The following NHSL2 variants were observed in gnomAD, a reference collection of about 807,000 sequenced individuals.
NHSL2 encodes the protein NHS like 2.
A neutral mutation model predicts 53.4 loss-of-function variants in NHSL2; 27 were observed. The observed-to-expected ratio is 0.51, with a 90% confidence interval of 0.37 to 0.70. The LOEUF (loss-of-function observed/expected upper bound fraction) is 0.70, where lower values mean the gene tolerates loss of function less well. Ranked by LOEUF, NHSL2 falls within the 30% of genes least tolerant of loss-of-function variation. NHSL2 has a pLI of 0.00. For missense variants in NHSL2, 892 were observed against 980.1 expected (o/e 0.91, Z 1.20); for synonymous variants, 408 against 404.1 (o/e 1.01, Z -0.12).
At chrX:72,141,583 TA>T (rs2042418934) in intron 6 of NHSL2, among the ~76,000 whole-genome samples, 1 of 111,955 alleles carries the variant, frequency 8.9e-6, no homozygotes, top group African/African-American at 3.3e-5. Context: ...ACCACCATTC[TA>T]CTTTCTGTCT....
Position 72,090,689 on chromosome X carries a change from C to G in NHSL2, c.281-41390C>G, listed in dbSNP as rs1363996628. On this transcript the variant is annotated intron_variant, in intron 1 of 7. Transcript: ENST00000633930. ...CCCTAACCCCCCATCCCCACTTTAA[C>G]AGCTCCTCCCTCAAGAGGCAAACAC... 2.7e-5 allele frequency among the ~76,000 whole-genome samples: 3 copies of G among 111,130 alleles called. No individual in the cohort carries two copies. In the East Asian group the frequency reaches 8.5e-4, roughly 31 times the overall value.
chrX:72,140,588 C>T lies in NHSL2; in HGVS notation c.3040C>T (p.Pro1014Ser), dbSNP rs768656059. 21 of 1,211,649 alleles carry T rather than the reference C, an allele frequency of 1.7e-5. No homozygotes were observed. The highest frequency in any genetic ancestry group is 2.3e-5 in the Non-Finnish European group (21 of 895,193). ...AAAAAAACCCAGCGTGCTGTACCTGCCTCTCACTTCTCCCACAGCTCAAAT... is the reference window on the plus strand; with the variant it reads ...AAAAAAACCCAGCGTGCTGTACCTGTCTCTCACTTCTCCCACAGCTCAAAT... ...VPKKPSVLYL[P>S]LTSPTAQMEA... The change falls in exon 6 of 8, where the codon CCT (proline) becomes TCT (serine). Residue 1014 changes from proline (P) to serine (S), a missense_variant. Transcript: ENST00000633930.
At chrX:71,935,344 T>G (rs1372603743) in intron 1 of NHSL2, among the ~76,000 whole-genome samples, 3 of 112,439 alleles carry the variant, frequency 2.7e-5, no homozygotes. Flanking sequence ...GGGCCTTTTA[T>G]CCTATCAGAG....
chrX:72,136,728 T>C (rs2042358758), intron 4 of NHSL2, among the ~76,000 whole-genome samples: 1 of 112,530 alleles, frequency 8.9e-6, no homozygotes, highest in African/African-American at 3.2e-5. Flanking sequence ...GCTGTACCTC[T>C]GAATAATCAC....
rs1390748607 is a variant in NHSL2, at chrX:72,138,671, A to G, written c.1123A>G (p.Ser375Gly). 1.7e-6 allele frequency: 2 copies of G among 1,187,637 alleles called. No homozygotes were observed. The highest frequency in any genetic ancestry group is 3.0e-5 in the East Asian group (1 of 32,852). ...PGMESMGMVY[S>G]VPSSCNGPTE... The stretch of plus-strand genomic sequence containing the variant: ...CATGGAGAGCATGGGAATGGTGTAC[A>G]GTGTCCCCAGTTCTTGCAATGGACC... The change falls in exon 6 of 8, where the codon AGT becomes GGT. Residue 375 changes from serine to glycine, a missense_variant. Coordinates refer to ENST00000633930, the MANE Select transcript of NHSL2 (RefSeq NM_001013627.3).
rs772961383 is a variant in NHSL2 at position 72,138,840 on chromosome X, C to T, written c.1292C>T (p.Pro431Leu). 2.5e-6 allele frequency: 3 copies of T among 1,210,759 alleles called. No individual in the cohort carries two copies. Among genetic ancestry groups the T allele is most frequent in the Admixed American group, 2.2e-5 (1 of 46,052 alleles). Reference sequence around the variant, plus strand: ...TCTTGGGTCTCTCTAAACAAAGTCCCACCTCTGGTTCCTAAGGAGGCTGCT... The same window carrying T: ...TCTTGGGTCTCTCTAAACAAAGTCCTACCTCTGGTTCCTAAGGAGGCTGCT... The part of the protein sequence containing the change: ...GNSWVSLNKV[P>L]PLVPKEAATL... The change falls in exon 6 of 8, where the codon CCA (proline) becomes CTA (leucine). Residue 431 changes from proline to leucine, a missense_variant. Physicochemically the swap from Pro to Leu is moderately conservative, Grantham distance 98 (BLOSUM62 -3). Transcript: ENST00000633930.
At chrX:71,996,627 A>G (rs1252823919) in intron 1 of NHSL2, among the ~76,000 whole-genome samples, 3 of 112,455 alleles carry the variant, frequency 2.7e-5, no homozygotes, top group Non-Finnish European at 5.6e-5. Flanking sequence ...TGAAGTAGGC[A>G]TTATTAGACT....
At chrX:72,069,727 G>A in intron 1 of NHSL2, 1 of 932,755 alleles carries the variant, frequency 1.1e-6, no homozygotes, top group Non-Finnish European at 1.3e-6. Context: ...AGGAGTAAAA[G>A]CCAAAGCAGG....
chrX:71,956,173 T>C (rs2041842471), intron 1 of NHSL2, among the ~76,000 whole-genome samples: 1 of 112,263 alleles, frequency 8.9e-6, no homozygotes, highest in Admixed American at 9.4e-5. Context: ...ATTATTGAGG[T>C]AAAATTGGCA....
chrX:72,058,601 C>T (rs1311218214), intron 1 of NHSL2, among the ~76,000 whole-genome samples: 1 of 111,929 alleles, frequency 8.9e-6, no homozygotes, highest in Non-Finnish European at 1.9e-5. Context: ...TCTCGGCATC[C>T]CAAAGTGCTG....
chrX:71,944,676 A>C (rs184101317), intron 1 of NHSL2, among the ~76,000 whole-genome samples: 186 of 112,116 alleles, frequency 1.7e-3, no homozygotes, highest in African/African-American at 5.8e-3. Context: ...TTGCTTCTTC[A>C]TGGAAAAATC....
intron 1 of NHSL2, among the ~76,000 whole-genome samples, chrX:72,103,170 G>A (rs2042010304): frequency 8.9e-6 from 1 of 112,015 alleles, no homozygotes; most frequent in African/African-American, 3.3e-5. Context: ...AAAGTCCCAC[G>A]CCTGGGAAAG....
chrX:72,010,944 T>C (rs1327109594), intron 1 of NHSL2, among the ~76,000 whole-genome samples: 1 of 112,232 alleles, frequency 8.9e-6, no homozygotes, highest in East Asian at 2.8e-4. Flanking sequence ...AACCTCCTAC[T>C]TAACCCCTAG....
chrX:71,971,869 A>G (rs1396904198), intron 1 of NHSL2, among the ~76,000 whole-genome samples: 3 of 110,557 alleles, frequency 2.7e-5, no homozygotes, highest in Non-Finnish European at 5.7e-5. Flanking sequence ...GCATTGAGCT[A>G]TGATTATCCC....
At chrX:72,133,604 G>A (rs1339880909) in intron 2 of NHSL2, 1 of 113,288 alleles carries the variant, frequency 8.8e-6, no homozygotes, top group Non-Finnish European at 1.8e-5. Context: ...AAGGTGCAGG[G>A]AACACGGCCC....
intron 2 of NHSL2, 89 bp from the exon 3 acceptor site, chrX:72,134,002 G>A (rs1006717169): frequency 1.0e-6 from 1 of 955,591 alleles, no homozygotes; most frequent in Non-Finnish European, 1.4e-6. Context: ...CTGGCAGCTA[G>A]AGCAGGAGTC....
intron 1 of NHSL2, among the ~76,000 whole-genome samples, chrX:72,093,713 G>GCTTTCTTT (rs751349644): frequency 0.056 from 2,859 of 50,774 alleles, 71 homozygotes; most frequent in Middle Eastern, 0.086. Context: ...CCCTAGTATA[G>GCTTTCTTT]CTTGCTTGCT....
intron 1 of NHSL2, among the ~76,000 whole-genome samples, chrX:71,933,527 G>A (rs892323774): frequency 1.8e-5 from 2 of 111,645 alleles, no homozygotes; most frequent in Non-Finnish European, 3.8e-5. Context: ...AAATAAAGTA[G>A]TGAAAGACAT....
Position 72,065,329 on chromosome X carries a change from G to A in NHSL2, c.281-66750G>A, listed in dbSNP as rs138529589. ...AAACACCCAAACTTTGGCCCATCCCGCAAAGAATTCATAAGTTGCTGGGGC... is the reference window on the plus strand; with the variant it reads ...AAACACCCAAACTTTGGCCCATCCCACAAAGAATTCATAAGTTGCTGGGGC... On this transcript the variant is annotated intron_variant, in intron 1 of 7. Transcript: ENST00000633930. Among the ~76,000 whole-genome samples, 353 of 112,280 alleles carry A rather than the reference G, an allele frequency of 3.1e-3. 2 individuals are homozygous for A. Among genetic ancestry groups the A allele is most frequent in the African/African-American group, 0.011 (338 of 30,937 alleles).
Sources: gnomAD v4.1 joint callset for allele counts (sites outside exome capture counted in the v4.1 genomes callset) on GRCh38, gnomAD v4.1.1 for gene constraint, MANE v1.5 for transcripts, NCBI Gene and HGNC (gene_info 2026-07-23, HGNC 2026-07-21) for gene names.